Variants in CPNE5 observed in about 807,000 individuals in gnomAD.
CPNE5 encodes the protein copine-5.
In CPNE5, 42 loss-of-function variants were observed where a neutral mutation model predicts 81.1. The observed-to-expected ratio is 0.52, with a 90% confidence interval of 0.40 to 0.67. The LOEUF (loss-of-function observed/expected upper bound fraction) is 0.67, where lower values mean the gene tolerates loss of function less well. CPNE5 is among the 30% of genes least tolerant of loss of function. CPNE5 has a pLI of 0.00. For missense variants in CPNE5, 612 were observed against 815.5 expected (o/e 0.75, Z 3.04); for synonymous variants, 313 against 321.5 (o/e 0.97, Z 0.28).
At chr6:36,837,852 G>C (rs533385911) in intron 1 of CPNE5, among the ~76,000 whole-genome samples, 3 of 152,212 alleles carry the variant, frequency 2.0e-5, no homozygotes, top group African/African-American at 7.2e-5. Flanking sequence ...AGGGATGTGC[G>C]TGCAGGAGAA....
At chr6:36,823,013 C>A in intron 2 of CPNE5, 45 bp downstream of exon 2, 3 of 1,493,716 alleles carry the variant, frequency 2.0e-6, no homozygotes, top group Non-Finnish European at 1.8e-6. Context: ...TTAGTCATAG[C>A]GTTGCCGCTA....
intron 10 of CPNE5, among the ~76,000 whole-genome samples, chr6:36,772,362 T>TC (rs1767111668): frequency 6.6e-6 from 1 of 152,062 alleles, no homozygotes; most frequent in African/African-American, 2.4e-5. Flanking sequence ...CTCTCACTGC[T>TC]CCAACCAGCC....
At chr6:36,751,810 T>TAAAAA in intron 14 of CPNE5, among the ~76,000 whole-genome samples, 1 of 151,522 alleles carries the variant, frequency 6.6e-6, no homozygotes, top group South Asian at 2.1e-4. Context: ...ATAAATAAAA[T>TAAAAA]AAAATAAAAT....
At chr6:36,803,836 CCCAACACAGA>C (rs1415399166) in intron 3 of CPNE5, among the ~76,000 whole-genome samples, 1 of 152,106 alleles carries the variant, frequency 6.6e-6, no homozygotes, top group Non-Finnish European at 1.5e-5. Flanking sequence ...CATGCTCAGC[CCCAACACAGA>C]CCAATTAAAT....
At chr6:36,827,250 G>A (rs371879546) in intron 1 of CPNE5, 113 of 866,058 alleles carry the variant, frequency 1.3e-4, no homozygotes, top group Non-Finnish European at 1.5e-4. Flanking sequence ...CCCACACCTC[G>A]TCCACACTTG....
rs1435332115 is a variant in CPNE5 at position 36,766,190 on chromosome 6, C to G, written c.738-814G>C. ...GGGGAGGTGGGAAGGGCCTGGGGAG[C>G]TGGGGTCTTCAGCCTTCAGTTCTTA... On this transcript the variant is annotated intron_variant, in intron 10 of 20. Transcript: ENST00000244751. The surrounding 1 kb of genome is among the most constrained non-coding windows in gnomAD (Gnocchi z 4.2). Among the ~76,000 whole-genome samples the G allele has an allele frequency of 6.6e-6, 1 of 152,120 alleles. No homozygotes were observed. Among genetic ancestry groups the G allele is most frequent in the East Asian group, 1.9e-4 (1 of 5,172 alleles).
At chr6:36,759,044 G>A (rs1765761878) in intron 12 of CPNE5, among the ~76,000 whole-genome samples, 1 of 152,246 alleles carries the variant, frequency 6.6e-6, no homozygotes, top group Non-Finnish European at 1.5e-5. Flanking sequence ...TCTCCCTTGA[G>A]GGTGTTGAAC....
At chr6:36,762,389 C>A (rs73414251) in intron 12 of CPNE5, among the ~76,000 whole-genome samples, 9,659 of 152,178 alleles carry the variant, frequency 0.063, 448 homozygotes, top group East Asian at 0.17. Flanking sequence ...CCCTTGAGGG[C>A]AAATGCTACT....
At chr6:36,821,335 G>A (rs1462965144) in intron 3 of CPNE5, among the ~76,000 whole-genome samples, 1 of 152,112 alleles carries the variant, frequency 6.6e-6, no homozygotes, top group South Asian at 2.1e-4. Flanking sequence ...GGCCATGAAG[G>A]GACGGTGCTT....
chr6:36,756,110 C>A, intron 13 of CPNE5, 135 bp downstream of exon 13: 2 of 518,062 alleles, frequency 3.9e-6, no homozygotes, highest in South Asian at 2.0e-5. Context: ...CCCTCCCCAC[C>A]CCATCTCTCT....
chr6:36,801,368 G>A (rs1770083990), intron 3 of CPNE5, among the ~76,000 whole-genome samples: 1 of 152,148 alleles, frequency 6.6e-6, no homozygotes, highest in Non-Finnish European at 1.5e-5. Context: ...GATGCTGTGG[G>A]TCTGGGGACT....
intron 8 of CPNE5, among the ~76,000 whole-genome samples, chr6:36,789,505 T>TCCC (rs1768899243): frequency 6.6e-6 from 1 of 152,276 alleles, no homozygotes; most frequent in African/African-American, 2.4e-5. Flanking sequence ...AACACTGAAT[T>TCCC]TAGGTTCAAG....
rs1769143153 is a variant in CPNE5, at chr6:36,792,039, G to A, written c.522C>T (p.Asn174=). ...GGAGTCCTCTGCCACTCACCCTACA[G>A]TTGCTGAGCTCCTCAGCGGACAGGA... ...TIILSAEELS[N]CRDVATMQFC... The change falls in exon 8 of 21, where the codon AAC becomes AAT. Residue 174 remains asparagine, a synonymous_variant. Coordinates refer to ENST00000244751, the MANE Select transcript of CPNE5 (RefSeq NM_020939.2). 1 of 1,613,886 alleles carries A rather than the reference G, an allele frequency of 6.2e-7. No homozygotes were observed. Among genetic ancestry groups the A allele is most frequent in the Non-Finnish European group, 8.5e-7 (1 of 1,179,814 alleles).
chr6:36,827,025 G>T (rs180898012), intron 1 of CPNE5, among the ~76,000 whole-genome samples: 1 of 152,158 alleles, frequency 6.6e-6, no homozygotes, highest in Admixed American at 6.5e-5. Context: ...TCACTCTCCC[G>T]GTGGATGCTC....
chr6:36,791,986 C>G, intron 8 of CPNE5, 47 bp downstream of exon 8: 1 of 1,558,766 alleles, frequency 6.4e-7, no homozygotes, highest in Non-Finnish European at 8.8e-7. Context: ...TGCACTCCAT[C>G]ACCCCCACCC....
In CPNE5 at chr6:36,766,925, G is replaced by A. The variant is rs538898752; in HGVS notation, c.738-1549C>T. On this transcript the variant is annotated intron_variant, in intron 10 of 20. Coordinates refer to ENST00000244751, the MANE Select transcript of CPNE5 (RefSeq NM_020939.2). This position sits in a 1 kb window ranked among gnomAD's most constrained non-coding sequence, Gnocchi z 4.2. ...GGCTGGAGTGCAATGGCGTGATCTC[G>A]GCTCATTGCAACCTCCGCCTCCGGA... 1.3e-5 allele frequency among the ~76,000 whole-genome samples: 2 copies of A among 152,206 alleles called. No individual in the cohort carries two copies. The highest frequency in any genetic ancestry group is 1.9e-4 in the East Asian group (1 of 5,176).
At chr6:36,801,459 C>A (rs1209658757) in intron 3 of CPNE5, among the ~76,000 whole-genome samples, 1 of 152,136 alleles carries the variant, frequency 6.6e-6, no homozygotes, top group Admixed American at 6.5e-5. Context: ...TAGAGGAGGG[C>A]AGAATGGGCA....
At chr6:36,742,994 C>T in intron 20 of CPNE5, 1 of 985,400 alleles carries the variant, frequency 1.0e-6, no homozygotes. Context: ...CTGGCTCACT[C>T]CTGCCTCCAG....
chr6:36,742,935 G>T (rs1201889590), intron 20 of CPNE5: 1 of 985,262 alleles, frequency 1.0e-6, no homozygotes, highest in Non-Finnish European at 1.2e-6. Flanking sequence ...CCTAATGCCA[G>T]GCCCATCTGG....
Sources: gnomAD v4.1 joint callset for allele counts (sites outside exome capture counted in the v4.1 genomes callset) on GRCh38, gnomAD v4.1.1 for gene constraint, Gnocchi (gnomAD v3.1) non-coding constraint, MANE v1.5 for transcripts, NCBI Gene and HGNC (gene_info 2026-07-23, HGNC 2026-07-21) for gene names.